PPP1R26: variants seen among roughly 807,000 people sequenced by gnomAD.
The protein encoded by PPP1R26 is 1A6/DRIM (down-regulated in metastasis) interacting protein.
Under a neutral mutation model 67.6 loss-of-function variants are expected in PPP1R26, and 22 were observed. That is an observed-to-expected ratio of 0.33 (90% CI 0.23 to 0.46). PPP1R26 has a LOEUF of 0.46. PPP1R26 is among the 20% of genes least tolerant of loss of function. The pLI, the probability that PPP1R26 is intolerant of heterozygous loss-of-function variation, is 1.00. For missense variants in PPP1R26, 1,602 were observed against 1,651.4 expected (o/e 0.97, Z 0.52); for synonymous variants, 729 against 717.2 (o/e 1.02, Z -0.26).
Position 135,486,828 on chromosome 9 carries a change from T to C in PPP1R26, c.2318T>C (p.Phe773Ser). ...CCTGGGAAGAAACCCCCCAGTGTCTTTGGCAGCACGGCAGAGAGGATGAGG... is the reference window on the plus strand; with the variant it reads ...CCTGGGAAGAAACCCCCCAGTGTCTCTGGCAGCACGGCAGAGAGGATGAGG... ...EGPGKKPPSV[F>S]GSTAERMRQE... The change falls in exon 4 of 4, where the codon TTT becomes TCT. Residue 773 changes from phenylalanine to serine, a missense_variant. Physicochemically the swap from Phe to Ser is radical, Grantham distance 155. Around this residue, in one of 5 missense-constraint regions of PPP1R26, gnomAD observed 740 missense variants for 696.3 expected, o/e 1.06. Transcript: ENST00000356818. This position sits in a 1 kb window ranked among gnomAD's most constrained non-coding sequence, Gnocchi z 6.2. The C allele has an allele frequency of 1.2e-6, 2 of 1,610,266 alleles. No individual in the cohort carries two copies. The highest frequency in any genetic ancestry group is 1.7e-6 in the Non-Finnish European group (2 of 1,178,880).
rs1396820628 is a variant in PPP1R26, at chr9:135,486,846, G to A, written c.2336G>A (p.Arg779Lys). ...AGTGTCTTTGGCAGCACGGCAGAGA[G>A]GATGAGGCAGGAGGGTGCCGCGAGC... ...PPSVFGSTAE[R>K]MRQEGAASQD... Residue 779 changes from arginine to lysine, a missense_variant, in exon 4 of 4, where the codon AGG becomes AAG. Coordinates refer to ENST00000356818, the MANE Select transcript of PPP1R26 (RefSeq NM_014811.5). This position sits in a 1 kb window ranked among gnomAD's most constrained non-coding sequence, Gnocchi z 6.2. 55 of 1,611,308 alleles carry A rather than the reference G, an allele frequency of 3.4e-5. No homozygotes were observed. Among genetic ancestry groups the A allele is most frequent in the Non-Finnish European group, 4.5e-5 (53 of 1,179,426 alleles).
In PPP1R26 at chr9:135,488,030, C is replaced by G. The variant is rs746358002; in HGVS notation, c.3520C>G (p.Arg1174Gly). The change falls in exon 4 of 4, where the codon CGA becomes GGA. Residue 1174 changes from arginine to glycine, a missense_variant. Around this residue, in one of 5 missense-constraint regions of PPP1R26, gnomAD observed 740 missense variants for 696.3 expected, o/e 1.06. Transcript: ENST00000356818. ...AAGCATTTTAGACCTGAGGTATCGA[C>G]GAAGGGTCAACAGGGATGACCAGGA... ...EESILDLRYR[R>G]RVNRDDQEQD... 5.7e-5 allele frequency: 92 copies of G among 1,610,628 alleles called. 2 individuals carry two copies. In the South Asian group the frequency reaches 9.5e-4, roughly 17 times the overall value.
upstream of PPP1R26, chr9:135,479,185 G>C (rs1463085886): frequency 6.6e-6 from 1 of 152,044 alleles, no homozygotes; most frequent in Non-Finnish European, 1.5e-5. The surrounding 1 kb of genome is among the most constrained non-coding windows in gnomAD (Gnocchi z 5.9). Context: ...CCGCCGCCCC[G>C]GGCAGGTCGT....
chr9:135,485,845 T>C lies in PPP1R26; in HGVS notation c.1335T>C (p.His445=). The change falls in exon 4 of 4, where the codon CAT becomes CAC. Residue 445 remains histidine (H), a synonymous_variant. Coordinates refer to ENST00000356818, the MANE Select transcript of PPP1R26 (RefSeq NM_014811.5). The surrounding 1 kb of genome is among the most constrained non-coding windows in gnomAD (Gnocchi z 7.2). The stretch of plus-strand genomic sequence containing the variant: ...GTCCAGGGGGCCTGGACACTGACCA[T>C]GCCCCCAAGCTCCTGAAGGAAACCA... ...DPGPGGLDTD[H]APKLLKETKA... The C allele has an allele frequency of 6.2e-7, 1 of 1,612,910 alleles. No individual in the cohort carries two copies. Among genetic ancestry groups the C allele is most frequent in the East Asian group, 2.2e-5 (1 of 44,812 alleles).
intron 2 of PPP1R26, 66 bp from the exon 3 acceptor site, chr9:135,483,881 AAGC>A: frequency 2.5e-6 from 1 of 398,210 alleles, no homozygotes; most frequent in Non-Finnish European, 4.4e-6. Context: ...GGTTTAGTAA[AAGC>A]AGCCCTTCAA....
In PPP1R26 at chr9:135,488,741, G is replaced by A. The variant is rs987078901; in HGVS notation, c.*601G>A. The A allele has an allele frequency of 2.4e-5, 4 of 167,098 alleles. No individual in the cohort carries two copies. Among genetic ancestry groups the A allele is most frequent in the Non-Finnish European group, 4.4e-5 (3 of 68,130 alleles). 10.4% of individuals were successfully genotyped at this position (167,098 alleles called of 1,614,324 possible). A position where few individuals can be genotyped will look rare whatever the true frequency, so the allele number is the denominator to read the frequency against. On this transcript the variant is annotated 3_prime_UTR_variant, in exon 4 of 4. Coordinates refer to ENST00000356818, the MANE Select transcript of PPP1R26 (RefSeq NM_014811.5). ...TTTCGAAGCACAGTGGCCAGCGAGC[G>A]AGCACGTGGCTACTCCCTGTTGCAT...
rs767155661 is a variant in PPP1R26 at position 135,486,996 on chromosome 9, G to A, written c.2486G>A (p.Ser829Asn). The A allele has an allele frequency of 1.9e-6, 3 of 1,612,664 alleles. No homozygotes were observed. Among genetic ancestry groups the A allele is most frequent in the African/African-American group, 2.7e-5 (2 of 75,058 alleles). The part of the protein sequence containing the change: ...PSPGSLSDDS[S>N]SVDSNDSIEL... ...CCCGGCTCCCTGTCTGATGACAGCA[G>A]TTCAGTGGACAGCAACGACAGCATC... The change falls in exon 4 of 4, where the codon AGT (serine) becomes AAT (asparagine). Residue 829 changes from serine (S) to asparagine (N), a missense_variant. By Grantham distance (46) the Ser-to-Asn change is conservative (BLOSUM62 1). Coordinates refer to ENST00000356818, the MANE Select transcript of PPP1R26 (RefSeq NM_014811.5). This position sits in a 1 kb window ranked among gnomAD's most constrained non-coding sequence, Gnocchi z 6.2.
At position 135,488,191 on chromosome 9, in the gene PPP1R26, G is replaced by A. The variant is rs768583220; in HGVS notation, c.*51G>A. The A allele has an allele frequency of 1.2e-5, 18 of 1,481,182 alleles. No individual in the cohort carries two copies. The highest frequency in any genetic ancestry group is 7.1e-5 in the East Asian group (3 of 42,264). The allele number at this position is 1,481,182 out of a possible 1,614,324, so 91.8% of individuals were successfully genotyped here. ...TGGGTTGCGTGCATTCGTGGAAAGCGGCGTAGCCGTGCGTGTGTGTGATGG... is the reference window on the plus strand; with the variant it reads ...TGGGTTGCGTGCATTCGTGGAAAGCAGCGTAGCCGTGCGTGTGTGTGATGG... On this transcript the variant is annotated 3_prime_UTR_variant, in exon 4 of 4. Transcript: ENST00000356818.
rs1391369461 is a variant in PPP1R26, at chr9:135,487,226, C to T, written c.2716C>T (p.Arg906Ter). 37 of 1,587,754 alleles carry T rather than the reference C, an allele frequency of 2.3e-5. No homozygotes were observed. The highest frequency in any genetic ancestry group is 3.0e-5 in the Non-Finnish European group (35 of 1,168,832). Residue 906 changes from arginine to a stop codon, truncating the protein, a stop_gained, in exon 4 of 4, where the codon CGA becomes TGA. Coordinates refer to ENST00000356818, the MANE Select transcript of PPP1R26 (RefSeq NM_014811.5). LOFTEE classifies it high-confidence loss of function. ...GGTCCCACATCTGGCCGAAGGGCTT[C>T]GAGGCACAGAGAGCGCAGGAGCACA... ...RGVPHLAEGL[R>*]GTESAGAQGT...
Position 135,487,000 on chromosome 9 carries a change from A to T in PPP1R26, c.2490A>T (p.Ser830=). The T allele has an allele frequency of 6.2e-7, 1 of 1,612,558 alleles. No homozygotes were observed. The highest frequency in any genetic ancestry group is 8.5e-7 in the Non-Finnish European group (1 of 1,179,894). The change falls in exon 4 of 4, where the codon TCA becomes TCT. Residue 830 remains serine (S), a synonymous_variant. Coordinates refer to ENST00000356818, the MANE Select transcript of PPP1R26 (RefSeq NM_014811.5). This position sits in a 1 kb window ranked among gnomAD's most constrained non-coding sequence, Gnocchi z 6.2. ...SPGSLSDDSS[S]VDSNDSIELE... ...GCTCCCTGTCTGATGACAGCAGTTCAGTGGACAGCAACGACAGCATCGAAC... is the reference window on the plus strand; with the variant it reads ...GCTCCCTGTCTGATGACAGCAGTTCTGTGGACAGCAACGACAGCATCGAAC...
rs373419165 is a variant in PPP1R26 at position 135,484,636 on chromosome 9, G to A, written c.126G>A (p.Ser42=). Residue 42 remains serine (S), a synonymous_variant, in exon 4 of 4, where the codon TCG becomes TCA. Transcript: ENST00000356818. ...SEADEGVESA[S]VSARVQMLIS... The stretch of plus-strand genomic sequence containing the variant: ...CTGACGAGGGCGTGGAGAGCGCGTC[G>A]GTGAGCGCCCGGGTGCAGATGCTTA... 92 of 1,611,522 alleles carry A rather than the reference G, an allele frequency of 5.7e-5. 1 individual carries two copies. In the Middle Eastern group the frequency reaches 1.5e-3, roughly 26 times the overall value.
In PPP1R26 at chr9:135,486,045, T is replaced by C; in HGVS notation, c.1535T>C (p.Phe512Ser). 6.2e-7 allele frequency: 1 copy of C among 1,613,210 alleles called. No homozygotes were observed. The highest frequency in any genetic ancestry group is 1.1e-5 in the South Asian group (1 of 91,084). Reference protein sequence around the residue: ...SDGSLSASPLFYSPNVPSRSD... With the variant: ...SDGSLSASPLSYSPNVPSRSD... ...GGGTCCCTGTCCGCAAGCCCACTCT[T>C]CTACTCCCCGAACGTGCCTTCCCGC... is the stretch of plus-strand genomic sequence containing the variant. The change falls in exon 4 of 4, where the codon TTC becomes TCC. Residue 512 changes from phenylalanine (F) to serine (S), a missense_variant. By Grantham distance (155) the Phe-to-Ser change is radical. This residue lies in a region of PPP1R26 where 680 missense variants were observed against 726.1 expected (regional missense o/e 0.94). Transcript: ENST00000356818. The surrounding 1 kb of genome is among the most constrained non-coding windows in gnomAD (Gnocchi z 6.2).
intron 1 of PPP1R26, among the ~76,000 whole-genome samples, chr9:135,482,320 T>C (rs925595343): frequency 6.6e-6 from 1 of 152,196 alleles, no homozygotes; most frequent in African/African-American, 2.4e-5. Flanking sequence ...GGTCCCCCAG[T>C]GCTCTGTGTC....
At chr9:135,483,453 G>A (rs1200166571) in intron 2 of PPP1R26, 4 of 152,672 alleles carry the variant, frequency 2.6e-5, no homozygotes, top group African/African-American at 9.6e-5. Flanking sequence ...GAGGTCCTGA[G>A]GGCAGCCACA....
chr9:135,485,045 G>A lies in PPP1R26; in HGVS notation c.535G>A (p.Gly179Ser), dbSNP rs758444756. The A allele has an allele frequency of 2.5e-5, 40 of 1,600,514 alleles. No homozygotes were observed. Among genetic ancestry groups the A allele is most frequent in the African/African-American group, 9.4e-5 (7 of 74,720 alleles). The change falls in exon 4 of 4, where the codon GGC becomes AGC. Residue 179 changes from glycine to serine, a missense_variant. Physicochemically the swap from Gly to Ser is moderately conservative, Grantham distance 56. This residue lies in a region of PPP1R26 where 680 missense variants were observed against 726.1 expected (regional missense o/e 0.94). Transcript: ENST00000356818. The surrounding 1 kb of genome is among the most constrained non-coding windows in gnomAD (Gnocchi z 7.2). ...GSRCKPEPAH[G>S]SAPTALCPPK... ...TAGATGTAAGCCGGAACCGGCTCAC[G>A]GCAGTGCCCCGACTGCCCTGTGTCC...
At position 135,488,396 on chromosome 9, in the gene PPP1R26, G is replaced by T; in HGVS notation, c.*256G>T. ...AAAATACTGTTGTTCAATTTTGTAGGGTGTTCCTAACTGCAGTTTTCTGTG... is the reference window on the plus strand; with the variant it reads ...AAAATACTGTTGTTCAATTTTGTAGTGTGTTCCTAACTGCAGTTTTCTGTG... On this transcript the variant is annotated 3_prime_UTR_variant, in exon 4 of 4. Coordinates refer to ENST00000356818, the MANE Select transcript of PPP1R26 (RefSeq NM_014811.5). 1.9e-6 allele frequency: 1 copy of T among 531,822 alleles called. No homozygotes were observed. The highest frequency in any genetic ancestry group is 2.8e-6 in the Non-Finnish European group (1 of 359,450). 32.9% of individuals were successfully genotyped at this position (531,822 alleles called of 1,614,324 possible).
At chr9:135,480,395 C>G (rs920731704) in intron 1 of PPP1R26, 13 of 152,212 alleles carry the variant, frequency 8.5e-5, no homozygotes, top group African/African-American at 2.7e-4. Flanking sequence ...GCGGAGCTTC[C>G]GGGAGGGTGG....
rs757376406 is a variant in PPP1R26, at chr9:135,487,905, G to A, written c.3395G>A (p.Ser1132Asn). 2 of 1,574,674 alleles carry A rather than the reference G, an allele frequency of 1.3e-6. 1 individual carries two copies. Among genetic ancestry groups the A allele is most frequent in the South Asian group, 2.3e-5 (2 of 85,466 alleles). ...AQAGPSPVFG[S>N]PHLLAKKDGG... ...GCCGGACCCAGCCCTGTCTTTGGAA[G>A]CCCACACTTGCTGGCAAAGAAGGAC... The change falls in exon 4 of 4, where the codon AGC becomes AAC. Residue 1132 changes from serine to asparagine, a missense_variant. By Grantham distance (46) the Ser-to-Asn change is conservative. Coordinates refer to ENST00000356818, the MANE Select transcript of PPP1R26 (RefSeq NM_014811.5).
rs140376950 is a variant in PPP1R26, at chr9:135,487,237, G to T, written c.2727G>T (p.Glu909Asp). 2 of 1,579,758 alleles carry T rather than the reference G, an allele frequency of 1.3e-6. No individual in the cohort carries two copies. The highest frequency in any genetic ancestry group is 8.6e-7 in the Non-Finnish European group (1 of 1,164,596). Reference sequence around the variant, plus strand: ...TGGCCGAAGGGCTTCGAGGCACAGAGAGCGCAGGAGCACAGGGCACAGCTG... The same window carrying T: ...TGGCCGAAGGGCTTCGAGGCACAGATAGCGCAGGAGCACAGGGCACAGCTG... ...PHLAEGLRGT[E>D]SAGAQGTAGL... Residue 909 changes from glutamate (E) to aspartate (D), a missense_variant, in exon 4 of 4, where the codon GAG becomes GAT. Glu to Asp is a conservative substitution (Grantham distance 45). Around this residue, in one of 5 missense-constraint regions of PPP1R26, gnomAD observed 740 missense variants for 696.3 expected, o/e 1.06. Coordinates refer to ENST00000356818, the MANE Select transcript of PPP1R26 (RefSeq NM_014811.5).
Sources: gnomAD v4.1 joint callset for allele counts (sites outside exome capture counted in the v4.1 genomes callset) on GRCh38, gnomAD v4.1.1 for gene constraint, gnomAD v4.1.1 regional missense constraint, Gnocchi (gnomAD v3.1) non-coding constraint, MANE v1.5 for transcripts, NCBI Gene and HGNC (gene_info 2026-07-23, HGNC 2026-07-21) for gene names.